CSMD3: variants seen among roughly 807,000 people sequenced by gnomAD.
The protein encoded by CSMD3 is CUB and sushi domain-containing protein 3.
Under a neutral mutation model 435.2 loss-of-function variants are expected in CSMD3, and 177 were observed. That is an observed-to-expected ratio of 0.41 (90% confidence interval 0.36 to 0.46). The LOEUF (loss-of-function observed/expected upper bound fraction) is 0.46, where lower values mean the gene tolerates loss of function less well. Ranked by LOEUF, CSMD3 falls within the 20% of genes least tolerant of loss-of-function variation. The pLI, the probability that CSMD3 is intolerant of heterozygous loss-of-function variation, is 0.34. For missense variants in CSMD3, 4,265 were observed against 4,504.6 expected (o/e 0.95, Z 1.52); for synonymous variants, 1,656 against 1,520.5 (o/e 1.09, Z -2.07).
chr8:112,278,239 T>C (rs1004170511), intron 59 of CSMD3, among the ~76,000 whole-genome samples: 4 of 152,176 alleles, frequency 2.6e-5, no homozygotes, highest in South Asian at 2.1e-4. Flanking sequence ...TGTGACTTGA[T>C]AACTGGCTCT....
chr8:112,259,644 T>C (rs1371967066), intron 61 of CSMD3, among the ~76,000 whole-genome samples: 2 of 151,966 alleles, frequency 1.3e-5, no homozygotes, highest in African/African-American at 2.4e-5. Flanking sequence ...GTAACACAAG[T>C]ATAATAATAG....
chr8:113,140,242 A>AT (rs1482104671), intron 4 of CSMD3, among the ~76,000 whole-genome samples: 4 of 150,978 alleles, frequency 2.6e-5, no homozygotes, highest in Non-Finnish European at 4.5e-5. Flanking sequence ...AATGCTGCAA[A>AT]TTTTTTTGTG....
intron 2 of CSMD3, among the ~76,000 whole-genome samples, chr8:113,292,769 A>T (rs189804643): frequency 6.6e-6 from 1 of 151,958 alleles, no homozygotes; most frequent in Admixed American, 6.6e-5. Flanking sequence ...ATGCAAAAGT[A>T]ATTGAGGATT....
intron 45 of CSMD3, among the ~76,000 whole-genome samples, chr8:112,329,537 C>A (rs557033993): frequency 1.3e-5 from 2 of 152,216 alleles, no homozygotes; most frequent in South Asian, 4.1e-4. Context: ...TCAAAACCAT[C>A]TCATACAGTC....
chr8:113,107,382 C>T (rs1205855257), intron 4 of CSMD3, among the ~76,000 whole-genome samples: 1 of 152,206 alleles, frequency 6.6e-6, no homozygotes, highest in Non-Finnish European at 1.5e-5. Context: ...GCTGGGATTA[C>T]AGGTGCAAGC....
At chr8:113,245,831 C>G (rs1044730843) in intron 3 of CSMD3, among the ~76,000 whole-genome samples, 6 of 151,990 alleles carry the variant, frequency 3.9e-5, no homozygotes, top group African/African-American at 1.4e-4. Context: ...GATAAATTCT[C>G]TCAGTTTTGG....
intron 3 of CSMD3, among the ~76,000 whole-genome samples, chr8:113,259,366 T>A (rs2093408456): frequency 6.6e-6 from 1 of 152,290 alleles, no homozygotes; most frequent in Middle Eastern, 3.4e-3. Flanking sequence ...GCCAAGTGGA[T>A]TAGCCTCAGG....
intron 59 of CSMD3, among the ~76,000 whole-genome samples, chr8:112,276,452 C>T (rs933907442): frequency 1.3e-5 from 2 of 152,144 alleles, no homozygotes; most frequent in African/African-American, 4.8e-5. Flanking sequence ...GTAGGGGCTC[C>T]AACCCCATGT....
chr8:113,133,824 C>T (rs2091347339), intron 4 of CSMD3, among the ~76,000 whole-genome samples: 1 of 151,950 alleles, frequency 6.6e-6, no homozygotes. Context: ...TATGATTCTC[C>T]TTACATGAAC....
At chr8:112,354,898 T>C (rs1168273204) in intron 38 of CSMD3, among the ~76,000 whole-genome samples, 1 of 151,972 alleles carries the variant, frequency 6.6e-6, no homozygotes. Flanking sequence ...GCCAAAGTAA[T>C]CCTAAACCAA....
intron 27 of CSMD3, among the ~76,000 whole-genome samples, chr8:112,522,522 C>A (rs1032323843): frequency 6.6e-6 from 1 of 151,548 alleles, no homozygotes; most frequent in African/African-American, 2.4e-5. Flanking sequence ...TCCATCAGTA[C>A]AAGAATTTGA....
At chr8:112,771,611 T>C (rs552727896) in intron 13 of CSMD3, among the ~76,000 whole-genome samples, 6 of 152,128 alleles carry the variant, frequency 3.9e-5, no homozygotes, top group South Asian at 4.1e-4. Flanking sequence ...AGAGCAATAA[T>C]TAATTTCTAA....
Position 112,223,437 on chromosome 8 carries a change from GAA to G in CSMD3, c.*1332_*1333del. 6.0e-6 allele frequency: 1 copy of G among 167,116 alleles called. No homozygotes were observed. Among genetic ancestry groups the G allele is most frequent in the Non-Finnish European group, 1.1e-5 (1 of 93,162 alleles). 10.4% of individuals were successfully genotyped at this position (167,116 alleles called of 1,614,324 possible). Reference sequence around the variant, plus strand: ...CACTGGGTACATGATCGTATTCAATGAAGTAAAACAGCTATAAAAGGAAGACG... The same window carrying G: ...CACTGGGTACATGATCGTATTCAATGGTAAAACAGCTATAAAAGGAAGACG... On this transcript the variant is annotated 3_prime_UTR_variant, in exon 71 of 71. Transcript: ENST00000297405.
At position 112,223,827 on chromosome 8, in the gene CSMD3, G is replaced by A. The variant is rs1812348007; in HGVS notation, c.*944C>T. On this transcript the variant is annotated 3_prime_UTR_variant, in exon 71 of 71. Coordinates refer to ENST00000297405, the MANE Select transcript of CSMD3 (RefSeq NM_198123.2). ...AGATATAAATAGAGTAGATTATTAG[G>A]ACATTTTATTTGGTCGATCAAAAAT... The A allele has an allele frequency of 6.6e-6, 1 of 152,040 alleles. No homozygotes were observed. The allele number at this position is 152,040 out of a possible 1,614,324, so 9.4% of individuals were successfully genotyped here. A position where few individuals can be genotyped will look rare whatever the true frequency, so the allele number is the denominator to read the frequency against.
intron 4 of CSMD3, among the ~76,000 whole-genome samples, chr8:113,104,730 T>C (rs938863241): frequency 3.9e-5 from 6 of 152,144 alleles, no homozygotes; most frequent in Non-Finnish European, 8.8e-5. Flanking sequence ...TCAGTCAAGC[T>C]ACCTCAGTTC....
At chr8:112,644,204 T>C (rs888600700) in intron 20 of CSMD3, among the ~76,000 whole-genome samples, 1 of 151,806 alleles carries the variant, frequency 6.6e-6, no homozygotes, top group Non-Finnish European at 1.5e-5. Context: ...GAATGGTCAT[T>C]TTACCATTCA....
At chr8:112,523,030 T>A (rs925119443) in intron 27 of CSMD3, among the ~76,000 whole-genome samples, 1 of 151,978 alleles carries the variant, frequency 6.6e-6, no homozygotes, top group African/African-American at 2.4e-5. Flanking sequence ...CTGCTTTGCT[T>A]GGTATAACAA....
rs576233171 is a variant in CSMD3 at position 113,048,349 on chromosome 8, T to C, written c.918-29170A>G. The stretch of plus-strand genomic sequence containing the variant: ...ACCATGTGATCCGCCCGCCTCGGCC[T>C]CCCAAAGTGCTGGGATTACAGGCGT... On this transcript the variant is annotated intron_variant, in intron 5 of 70. Transcript: ENST00000297405. 2.2e-4 allele frequency among the ~76,000 whole-genome samples: 33 copies of C among 152,260 alleles called. No individual in the cohort carries two copies. The East Asian group carries it at 6.4e-3, about 29-fold the overall frequency.
At chr8:113,377,990 G>C (rs576810080) in intron 1 of CSMD3, among the ~76,000 whole-genome samples, 2 of 152,010 alleles carry the variant, frequency 1.3e-5, no homozygotes, top group African/African-American at 4.8e-5. Flanking sequence ...AAACTACTGA[G>C]GGAATACAAT....
Sources: gnomAD v4.1 joint callset for allele counts (sites outside exome capture counted in the v4.1 genomes callset) on GRCh38, gnomAD v4.1.1 for gene constraint, MANE v1.5 for transcripts, NCBI Gene and HGNC (gene_info 2026-07-23, HGNC 2026-07-21) for gene names.